INSL6: variants seen among roughly 807,000 people sequenced by gnomAD.
The protein encoded by INSL6 is insulin-like peptide INSL6.
In INSL6, 16 loss-of-function variants were observed where a neutral mutation model predicts 9.4. The observed-to-expected ratio is 1.70, with a 90% CI of 1.15 to 2.59. The LOEUF is 2.59. Among genes scored for constraint, INSL6 ranks in the 30% most tolerant of loss-of-function variants. INSL6 has a pLI of 0.00. For synonymous variants in INSL6, 154 were observed against 96.9 expected (o/e 1.59, Z -3.46); for missense variants, 391 against 257.3 (o/e 1.52, Z -3.56).
chr9:5,176,827 T>A (rs1825320025), intron 1 of INSL6, among the ~76,000 whole-genome samples: 1 of 152,160 alleles, frequency 6.6e-6, no homozygotes, highest in South Asian at 2.1e-4. Context: ...TGAAGATAGT[T>A]CAGCATGGTT....
chr9:5,119,217 G>A (rs1217136110), downstream of INSL6, among the ~76,000 whole-genome samples: 1 of 151,966 alleles, frequency 6.6e-6, no homozygotes, highest in African/African-American at 2.4e-5. Context: ...GAAAAACTCA[G>A]ACTTCATTTT....
At chr9:5,177,230 A>G (rs564939822) in intron 1 of INSL6, among the ~76,000 whole-genome samples, 7 of 152,180 alleles carry the variant, frequency 4.6e-5, no homozygotes, top group Non-Finnish European at 1.0e-4. Flanking sequence ...CCAGAGAGAA[A>G]GAAGAAATGC....
chr9:5,112,243 C>T, the INSL6 span: 1 of 259,048 alleles, frequency 3.9e-6, no homozygotes, highest in South Asian at 3.8e-5. Flanking sequence ...TGGTTGGAGG[C>T]GAACACCCTG....
chr9:5,144,483 G>A (rs1305865288), intron 2 of INSL6, among the ~76,000 whole-genome samples: 3 of 151,938 alleles, frequency 2.0e-5, no homozygotes, highest in Admixed American at 6.5e-5. Flanking sequence ...CTGTTGTTTC[G>A]GGGTATCTAT....
chr9:5,054,633 A>G, the INSL6 span: 1 of 1,613,062 alleles, frequency 6.2e-7, no homozygotes, highest in Non-Finnish European at 8.5e-7. This position sits in a 1 kb window ranked among gnomAD's most constrained non-coding sequence, Gnocchi z 4.9. Flanking sequence ...AAGGAAGCGA[A>G]TAAGGTACAG....
At chr9:5,074,802 C>T in the INSL6 span, among the ~76,000 whole-genome samples, 1 of 152,056 alleles carries the variant, frequency 6.6e-6, no homozygotes, top group Non-Finnish European at 1.5e-5. Context: ...AGCAGTTATC[C>T]AGAAGATCTA....
At chr9:5,179,976 C>T (rs904619592) in intron 1 of INSL6, among the ~76,000 whole-genome samples, 1 of 152,088 alleles carries the variant, frequency 6.6e-6, no homozygotes, top group African/African-American at 2.4e-5. Flanking sequence ...ACCTGCACAT[C>T]CTGCACATGT....
downstream of INSL6, among the ~76,000 whole-genome samples, chr9:5,159,992 T>C (rs989815640): frequency 6.6e-6 from 1 of 152,004 alleles, no homozygotes; most frequent in African/African-American, 2.4e-5. Context: ...CTGGCCAACA[T>C]GGTGAAACCC....
At chr9:5,090,449 G>T in the INSL6 span, 3 of 1,544,282 alleles carry the variant, frequency 1.9e-6, no homozygotes, top group Non-Finnish European at 2.6e-6. Flanking sequence ...TTAAAAGGTC[G>T]GCGTAATCTA....
the INSL6 span, chr9:5,080,592 A>C: frequency 1.9e-6 from 3 of 1,607,956 alleles, no homozygotes; most frequent in African/African-American, 1.3e-5. Flanking sequence ...CAGAATTAGC[A>C]AACCTTATAA....
chr9:5,160,576 T>C (rs115927767), downstream of INSL6, among the ~76,000 whole-genome samples: 865 of 152,112 alleles, frequency 5.7e-3, 4 homozygotes, highest in African/African-American at 0.019. Context: ...CCAAAGTTAA[T>C]AGAAGAAAAT....
At chr9:5,161,241 C>T (rs1824920137), downstream of INSL6, among the ~76,000 whole-genome samples, 1 of 152,108 alleles carries the variant, frequency 6.6e-6, no homozygotes, top group Non-Finnish European at 1.5e-5. Flanking sequence ...TCATCATGAC[C>T]AAGGAGTATT....
the INSL6 span, among the ~76,000 whole-genome samples, chr9:5,038,035 C>T: frequency 6.6e-6 from 1 of 152,160 alleles, no homozygotes; most frequent in Non-Finnish European, 1.5e-5. Flanking sequence ...TGCTTTAGCA[C>T]ATAGTTACAA....
At chr9:5,016,732 C>G in the INSL6 span, among the ~76,000 whole-genome samples, 4 of 152,114 alleles carry the variant, frequency 2.6e-5, no homozygotes, top group Non-Finnish European at 4.4e-5. Context: ...TACCTCCTGC[C>G]AGTTATTCTC....
chr9:5,121,625 A>C (rs1188103049), downstream of INSL6, among the ~76,000 whole-genome samples: 3 of 152,190 alleles, frequency 2.0e-5, no homozygotes. Context: ...ATGGGTCACA[A>C]AACTGGCAAG....
intron 3 of INSL6, among the ~76,000 whole-genome samples, chr9:5,131,435 ATTT>A (rs550915336): frequency 3.5e-5 from 4 of 115,834 alleles, no homozygotes; most frequent in African/African-American, 1.2e-4. Context: ...CCAGTTAACA[ATTT>A]TTTTTTTTTT....
At position 5,136,322 on chromosome 9, in the gene INSL6, G is replaced by A. The variant is rs538428743; in HGVS notation, c.377-2730C>T. Among the ~76,000 whole-genome samples the A allele has an allele frequency of 2.0e-5, 3 of 152,176 alleles. No individual in the cohort carries two copies. In the East Asian group the frequency reaches 5.8e-4, roughly 29 times the overall value. Reference sequence around the variant, plus strand: ...ACCTGGCAGAGACACAACAAAAAAAGAGAATTTTAGGCCGATATCCCTGAT... The same window carrying A: ...ACCTGGCAGAGACACAACAAAAAAAAAGAATTTTAGGCCGATATCCCTGAT... On this transcript the variant is annotated intron_variant, in intron 2 of 3. Transcript: ENST00000649639.
At chr9:5,086,678 A>G in the INSL6 span, among the ~76,000 whole-genome samples, 1 of 152,166 alleles carries the variant, frequency 6.6e-6, no homozygotes, top group East Asian at 1.9e-4. Flanking sequence ...CCATGTAATA[A>G]CCTTACTTAG....
chr9:5,139,872 C>A (rs1232941437), intron 2 of INSL6, among the ~76,000 whole-genome samples: 1 of 152,102 alleles, frequency 6.6e-6, no homozygotes, highest in Non-Finnish European at 1.5e-5. Flanking sequence ...TTTAACAAAT[C>A]TTTTTTGAAA....
Sources: gnomAD v4.1 joint callset for allele counts (sites outside exome capture counted in the v4.1 genomes callset) on GRCh38, gnomAD v4.1.1 for gene constraint, Gnocchi (gnomAD v3.1) non-coding constraint, MANE v1.5 for transcripts, NCBI Gene and HGNC (gene_info 2026-07-23, HGNC 2026-07-21) for gene names.